The following MEGF11 variants were observed in gnomAD, a reference collection of about 807,000 sequenced individuals.
The protein encoded by MEGF11 is multiple epidermal growth factor-like domains protein 11.
A neutral mutation model predicts 146.6 loss-of-function variants in MEGF11; 126 were observed. The ratio of observed to expected loss-of-function variants is 0.86; its 90% CI spans 0.74 to 1.00. The LOEUF (loss-of-function observed/expected upper bound fraction) is 1.00, where lower values mean the gene tolerates loss of function less well. MEGF11 is among the 50% of genes least tolerant of loss of function. The pLI is 0.00. For missense variants in MEGF11, 1,509 were observed against 1,521.2 expected, an observed-to-expected ratio of 0.99 and a Z score of 0.13; for synonymous variants, 532 against 583.4, an observed-to-expected ratio of 0.91 and a Z score of 1.27.
chr15:66,170,474 T>C (rs539990973), intron 1 of MEGF11, among the ~76,000 whole-genome samples: 2 of 152,292 alleles, frequency 1.3e-5, no homozygotes, highest in African/African-American at 4.8e-5. Context: ...CTGAATCCAC[T>C]CAGTAGCTGC....
At position 66,032,602 on chromosome 15, in the gene MEGF11, G is replaced by T. The variant is rs146911872; in HGVS notation, c.395-50114C>A. ...AGTCATAGATGGAACTAAGAAACAA[G>T]GTATTGGAAACTGGAGCAAAGGCCA... On this transcript the variant is annotated intron_variant, in intron 5 of 25. Coordinates refer to ENST00000395614, the MANE Select transcript of MEGF11 (RefSeq NM_001385028.1). Among the ~76,000 whole-genome samples the T allele has an allele frequency of 4.4e-3, 670 of 152,344 alleles. 7 individuals are homozygous for T. The highest frequency in any genetic ancestry group is 0.015 in the African/African-American group (642 of 41,572).
chr15:66,109,551 ACT>A lies in MEGF11; in HGVS notation c.301+9533_301+9534del, dbSNP rs373552304. On this transcript the variant is annotated intron_variant, in intron 4 of 25. Transcript: ENST00000395614. The stretch of plus-strand genomic sequence containing the variant: ...CCCGAAGAGGTAGTTACCCAATGGG[ACT>A]CTGTTTTACAGATGAGAAAGCCGAG... Among the ~76,000 whole-genome samples the A allele has an allele frequency of 1.0e-3, 154 of 152,276 alleles. 2 individuals carry two copies. Among genetic ancestry groups the A allele is most frequent in the Middle Eastern group, 3.4e-3 (1 of 294 alleles).
intron 4 of MEGF11, among the ~76,000 whole-genome samples, chr15:66,108,419 G>A (rs2140836534): frequency 6.6e-6 from 1 of 152,294 alleles, no homozygotes; most frequent in East Asian, 1.9e-4. Flanking sequence ...TAGTTCCATT[G>A]AGGAGACAGA....
At chr15:66,094,842 C>T (rs2086472446) in intron 4 of MEGF11, among the ~76,000 whole-genome samples, 1 of 152,182 alleles carries the variant, frequency 6.6e-6, no homozygotes, top group South Asian at 2.1e-4. Flanking sequence ...TCTCTTTCCC[C>T]ATCTGCTTAG....
chr15:66,167,644 TCAAA>T (rs900154431), intron 1 of MEGF11, among the ~76,000 whole-genome samples: 6 of 146,718 alleles, frequency 4.1e-5, no homozygotes, highest in African/African-American at 1.2e-4. Context: ...AAATTCCGTC[TCAAA>T]CAAACAAACA....
chr15:66,163,395 G>A (rs2090008106), intron 1 of MEGF11, among the ~76,000 whole-genome samples: 3 of 152,158 alleles, frequency 2.0e-5, no homozygotes. Flanking sequence ...CTTGGGAGAA[G>A]AAAGGGCTTG....
chr15:65,986,940 G>A (rs552107052), intron 5 of MEGF11, among the ~76,000 whole-genome samples: 4 of 151,684 alleles, frequency 2.6e-5, no homozygotes, highest in Non-Finnish European at 5.9e-5. Context: ...TGGGATTACT[G>A]GCTGATTTTT....
intron 4 of MEGF11, among the ~76,000 whole-genome samples, chr15:66,116,939 C>T (rs2140898315): frequency 6.6e-6 from 1 of 152,354 alleles, no homozygotes; most frequent in South Asian, 2.1e-4. Flanking sequence ...AGTGCAGAGA[C>T]TCTGGAGCCA....
intron 3 of MEGF11, among the ~76,000 whole-genome samples, chr15:66,123,438 G>A (rs1255586329): frequency 6.6e-6 from 1 of 152,198 alleles, no homozygotes; most frequent in Non-Finnish European, 1.5e-5. Flanking sequence ...TCAAGAACAA[G>A]TAGTTTATTT....
intron 15 of MEGF11, among the ~76,000 whole-genome samples, chr15:65,921,534 T>C (rs1001259779): frequency 6.6e-6 from 1 of 152,224 alleles, no homozygotes; most frequent in Non-Finnish European, 1.5e-5. Context: ...GCATGGTCCA[T>C]GGAGCCTTCA....
At chr15:66,235,468 C>T (rs971992410) in intron 1 of MEGF11, among the ~76,000 whole-genome samples, 1 of 151,252 alleles carries the variant, frequency 6.6e-6, no homozygotes, top group African/African-American at 2.4e-5. Flanking sequence ...TATCACTACA[C>T]TCCAGCCTGG....
At chr15:65,981,127 T>A (rs1041249906) in intron 6 of MEGF11, among the ~76,000 whole-genome samples, 4 of 150,428 alleles carry the variant, frequency 2.7e-5, no homozygotes, top group African/African-American at 9.7e-5. Context: ...ACTTAAGTGT[T>A]CTTAGTGTAC....
Position 65,912,103 on chromosome 15 carries a change from C to T in MEGF11, c.2808G>A (p.Leu936=). 3 of 1,232,166 alleles carry T rather than the reference C, an allele frequency of 2.4e-6. No homozygotes were observed. The highest frequency in any genetic ancestry group is 3.0e-6 in the Non-Finnish European group (3 of 988,026). The allele number at this position is 1,232,166 out of a possible 1,614,324, so 76.3% of individuals were successfully genotyped here. ...GTACCTTGGTGGGGCTGTTCCTGTC[C>T]AGAGTGCTGGCCTGGCTGGTGGCAG... ...GGPATSQAST[L]DRNSPTKLSN... is the part of the protein sequence containing the mutation. Residue 936 remains leucine (L), a synonymous_variant, in exon 21 of 26, where the codon CTG becomes CTA. Coordinates refer to ENST00000395614, the MANE Select transcript of MEGF11 (RefSeq NM_001385028.1).
chr15:66,050,860 T>G (rs1185467685), intron 5 of MEGF11, among the ~76,000 whole-genome samples: 1 of 152,250 alleles, frequency 6.6e-6, no homozygotes, highest in African/African-American at 2.4e-5. Context: ...ACCCTGGGAT[T>G]GCCGGGCCAT....
intron 5 of MEGF11, among the ~76,000 whole-genome samples, chr15:66,053,602 G>A (rs1175094958): frequency 6.6e-6 from 1 of 151,350 alleles, no homozygotes; most frequent in Non-Finnish European, 1.5e-5. Context: ...TCAGGGCCCA[G>A]ACCCCTGCTC....
At chr15:66,084,301 G>A (rs111681928) in intron 5 of MEGF11, among the ~76,000 whole-genome samples, 115 of 152,284 alleles carry the variant, frequency 7.6e-4, no homozygotes, top group African/African-American at 2.6e-3. Flanking sequence ...CAAAGGGTTA[G>A]GGGATCATGG....
At chr15:65,914,127 C>G (rs553518667) in intron 19 of MEGF11, 154 bp from the exon 20 acceptor site, 1 of 613,556 alleles carries the variant, frequency 1.6e-6, no homozygotes, top group African/African-American at 1.8e-5. Flanking sequence ...TACCCCCAGC[C>G]CTCACTGTGC....
intron 13 of MEGF11, among the ~76,000 whole-genome samples, chr15:65,924,378 G>T (rs990652294): frequency 7.3e-6 from 1 of 137,686 alleles, no homozygotes; most frequent in African/African-American, 2.6e-5. Context: ...GTGGGTGGGG[G>T]GGGGGGCAAG....
rs781389241 is a variant in MEGF11 at position 65,898,728 on chromosome 15, C to T, written c.3262G>A (p.Glu1088Lys). The change falls in exon 25 of 26, where the codon GAG becomes AAG. Residue 1088 changes from glutamate to lysine, a missense_variant and splice_region_variant. By Grantham distance (56) the Glu-to-Lys change is moderately conservative. Coordinates refer to ENST00000395614, the MANE Select transcript of MEGF11 (RefSeq NM_001385028.1). Reference protein sequence around the residue: ...STSNKNIYEVEPTVSVVQEGC... With the variant: ...STSNKNIYEVKPTVSVVQEGC... ...TAAGTTACTTATTTGAGACACCTAC[C>T]AACTTCATATATATTTTTATTAGAT... 1.9e-6 allele frequency: 3 copies of T among 1,613,222 alleles called. No individual in the cohort carries two copies. In the African/African-American group the frequency reaches 4.0e-5, roughly 22 times the overall value.
Sources: gnomAD v4.1 joint callset for allele counts (sites outside exome capture counted in the v4.1 genomes callset) on GRCh38, gnomAD v4.1.1 for gene constraint, MANE v1.5 for transcripts, NCBI Gene and HGNC (gene_info 2026-07-23, HGNC 2026-07-21) for gene names.